ADAMTSL1: variants seen among roughly 807,000 people sequenced by gnomAD.
The protein encoded by ADAMTSL1 is ADAMTS-like protein 1.
In ADAMTSL1, 126 loss-of-function variants were observed where a neutral mutation model predicts 201.8. The observed-to-expected ratio is 0.62, with a 90% CI of 0.54 to 0.72. ADAMTSL1 has a LOEUF of 0.72. ADAMTSL1 is among the 30% of genes least tolerant of loss of function. The pLI is 0.00. For synonymous variants in ADAMTSL1, 1,121 were observed against 903.4 expected (o/e 1.24, Z -4.32); for missense variants, 2,679 against 2,277.8 (o/e 1.18, Z -3.59).
chr9:18,210,486 AAT>A (rs1348173464), intron 2 of ADAMTSL1, among the ~76,000 whole-genome samples: 1 of 147,358 alleles, frequency 6.8e-6, no homozygotes, highest in African/African-American at 2.5e-5. Context: ...TATATAAATA[AAT>A]ATATATTAAT....
chr9:18,537,878 TAA>T (rs753363020), intron 3 of ADAMTSL1, among the ~76,000 whole-genome samples: 12 of 97,822 alleles, frequency 1.2e-4, no homozygotes, highest in Admixed American at 3.5e-4. Context: ...TGTCTCTATT[TAA>T]AAAAAAAAAA....
At chr9:18,527,183 T>C (rs1319478331) in intron 2 of ADAMTSL1, among the ~76,000 whole-genome samples, 1 of 152,218 alleles carries the variant, frequency 6.6e-6, no homozygotes, top group Non-Finnish European at 1.5e-5. Flanking sequence ...TTAAAATTCT[T>C]TGCCATAAGT....
intron 15 of ADAMTSL1, among the ~76,000 whole-genome samples, chr9:18,747,308 A>G (rs189728556): frequency 6.6e-6 from 1 of 152,322 alleles, no homozygotes; most frequent in Non-Finnish European, 1.5e-5. Flanking sequence ...TCACTAGTAA[A>G]TAAGTCAATA....
intron 2 of ADAMTSL1, among the ~76,000 whole-genome samples, chr9:18,392,554 G>C (rs917055827): frequency 6.6e-6 from 1 of 152,062 alleles, no homozygotes; most frequent in African/African-American, 2.4e-5. Context: ...CTGTTATTTA[G>C]TATTTTTGAA....
At chr9:18,211,422 T>C (rs1390336323) in intron 2 of ADAMTSL1, among the ~76,000 whole-genome samples, 1 of 152,168 alleles carries the variant, frequency 6.6e-6, no homozygotes, top group Non-Finnish European at 1.5e-5. Context: ...TTGAAAACCA[T>C]TGTTCTAAAA....
chr9:18,750,798 A>G (rs1819427713), intron 15 of ADAMTSL1, among the ~76,000 whole-genome samples: 1 of 152,188 alleles, frequency 6.6e-6, no homozygotes. Flanking sequence ...GCAGTTATCT[A>G]AAGGCAAGCT....
intron 2 of ADAMTSL1, among the ~76,000 whole-genome samples, chr9:18,384,671 T>G (rs1324268721): frequency 2.0e-5 from 3 of 152,174 alleles, no homozygotes; most frequent in African/African-American, 7.2e-5. Context: ...TGCTGAATTG[T>G]GGTTGGATCT....
intron 2 of ADAMTSL1, among the ~76,000 whole-genome samples, chr9:18,190,566 C>T (rs1187294007): frequency 6.6e-6 from 1 of 152,160 alleles, no homozygotes. Context: ...GATAATTCAG[C>T]TATTTACAAG....
intron 2 of ADAMTSL1, among the ~76,000 whole-genome samples, chr9:18,215,169 G>A (rs1462280711): frequency 2.0e-5 from 3 of 152,032 alleles, no homozygotes; most frequent in Non-Finnish European, 4.4e-5. Context: ...TGTTATATTT[G>A]AACATAAAAT....
Position 18,178,801 on chromosome 9 carries a change from A to C in ADAMTSL1, c.207+14820A>C, listed in dbSNP as rs13295126. Among the ~76,000 whole-genome samples the C allele has an allele frequency of 2.6e-3, 392 of 151,250 alleles. 1 individual carries two copies. Among genetic ancestry groups the C allele is most frequent in the Non-Finnish European group, 4.3e-3 (289 of 67,672 alleles). On this transcript the variant is annotated intron_variant, in intron 2 of 29. Coordinates refer to the ADAMTSL1 transcript ENST00000680146. ...TCACATGGCCAGGTACTCCAACAGA[A>C]CTGCAGCTGAGGGTCCTGTCTGTTG...
chr9:18,730,669 T>C (rs934151848), intron 15 of ADAMTSL1, among the ~76,000 whole-genome samples: 1 of 152,212 alleles, frequency 6.6e-6, no homozygotes, highest in African/African-American at 2.4e-5. Context: ...GGAAGAATGA[T>C]TGTCACTGCA....
rs1054044689 is a variant in ADAMTSL1 at position 18,683,938 on chromosome 9, A to T, written c.1490-778A>T. The stretch of plus-strand genomic sequence containing the variant: ...TGTTATAAAATGGTGATAGAGCATC[A>T]TTGGCTCATACTATAAAGGCAAATA... On this transcript the variant is annotated intron_variant, in intron 12 of 28. Coordinates refer to ENST00000380548, the MANE Select transcript of ADAMTSL1 (RefSeq NM_001040272.6). Among the ~76,000 whole-genome samples the T allele has an allele frequency of 6.6e-5, 10 of 152,210 alleles. No homozygotes were observed. In the East Asian group the frequency reaches 1.7e-3, roughly 26 times the overall value.
chr9:18,701,060 T>C (rs999541383), intron 13 of ADAMTSL1, among the ~76,000 whole-genome samples: 1 of 152,186 alleles, frequency 6.6e-6, no homozygotes, highest in African/African-American at 2.4e-5. Context: ...ACAGTTAATC[T>C]GTATTTCTCT....
rs1830721943 is a variant in ADAMTSL1, at chr9:18,233,483, A to T, written c.207+69502A>T. 3.3e-5 allele frequency among the ~76,000 whole-genome samples: 5 copies of T among 152,196 alleles called. 1 individual carries two copies. The South Asian group carries it at 1.0e-3, about 32-fold the overall frequency. ...ACAAGAATCAAAAGATAGCTTACTG[A>T]CTCATTCATCTAATATATCGGATGC... On this transcript the variant is annotated intron_variant, in intron 2 of 29. Coordinates refer to the ADAMTSL1 transcript ENST00000680146.
At chr9:17,942,718 G>A (rs555937086) in intron 1 of ADAMTSL1, among the ~76,000 whole-genome samples, 1 of 152,224 alleles carries the variant, frequency 6.6e-6, no homozygotes, top group Non-Finnish European at 1.5e-5. Flanking sequence ...GCCACTGGAA[G>A]CCACTCACAT....
chr9:18,407,369 T>G (rs1197237041), intron 2 of ADAMTSL1, among the ~76,000 whole-genome samples: 5 of 152,308 alleles, frequency 3.3e-5, no homozygotes, highest in Non-Finnish European at 7.4e-5. Context: ...GAGCTCAGGA[T>G]GAAGAACTGA....
intron 2 of ADAMTSL1, among the ~76,000 whole-genome samples, chr9:18,212,692 C>T (rs1829922251): frequency 6.6e-6 from 1 of 152,154 alleles, no homozygotes; most frequent in Non-Finnish European, 1.5e-5. Context: ...GCTACTACAT[C>T]ATAGCTTTCC....
intron 2 of ADAMTSL1, among the ~76,000 whole-genome samples, chr9:18,457,792 G>A (rs113514313): frequency 1.6e-3 from 248 of 152,220 alleles, no homozygotes; most frequent in African/African-American, 5.4e-3. Context: ...TTCCCCTAAG[G>A]ATGCAAAAAG....
intron 1 of ADAMTSL1, among the ~76,000 whole-genome samples, chr9:18,128,617 T>G (rs2131954621): frequency 6.6e-6 from 1 of 152,258 alleles, no homozygotes; most frequent in Non-Finnish European, 1.5e-5. Context: ...GGCCCGACAG[T>G]TTGAACTATT....
Sources: gnomAD v4.1 joint callset for allele counts (sites outside exome capture counted in the v4.1 genomes callset) on GRCh38, gnomAD v4.1.1 for gene constraint, MANE v1.5 for transcripts, NCBI Gene and HGNC (gene_info 2026-07-23, HGNC 2026-07-21) for gene names.